CPLANE1: variants seen among roughly 807,000 people sequenced by gnomAD.
The protein encoded by CPLANE1 is ciliogenesis and planar polarity effector complex subunit 1, also known as ciliogenesis and planar polarity effector 1.
CPLANE1 carries 263 observed loss-of-function variants against 362.5 expected under a neutral mutation model. That is an observed-to-expected ratio of 0.73 (90% CI 0.66 to 0.80). The LOEUF (loss-of-function observed/expected upper bound fraction) is 0.80. CPLANE1 is among the 30% of genes least tolerant of loss of function. The probability of loss-of-function intolerance (pLI) is 0.00; values close to 1 mark genes in which losing one functional copy is unlikely to be tolerated. For missense variants in CPLANE1, 3,461 were observed against 3,793.4 expected (o/e 0.91, Z 2.30); for synonymous variants, 1,212 against 1,302.6 (o/e 0.93, Z 1.50).
chr5:37,147,521 T>C (rs77271463), intron 43 of CPLANE1, among the ~76,000 whole-genome samples: 2,237 of 152,002 alleles, frequency 0.015, 70 homozygotes, highest in African/African-American at 0.051. Context: ...CAATTACACA[T>C]ATTAGAAAAT....
chr5:37,168,364 C>A (rs941131316), intron 34 of CPLANE1, among the ~76,000 whole-genome samples: 5 of 152,058 alleles, frequency 3.3e-5, no homozygotes, highest in Non-Finnish European at 7.4e-5. Flanking sequence ...AATTTTTTTG[C>A]TTTCTTTTTT....
intron 48 of CPLANE1, among the ~76,000 whole-genome samples, 153 bp from the exon 49 acceptor site, chr5:37,121,937 T>C (rs982801013): frequency 2.0e-5 from 3 of 151,716 alleles, no homozygotes; most frequent in South Asian, 2.1e-4. Flanking sequence ...TGGATTGCAA[T>C]GGCGTGATCT....
At position 37,183,076 on chromosome 5, in the gene CPLANE1, G is replaced by A. The variant is rs1783108453; in HGVS notation, c.5105C>T (p.Ser1702Leu). The change falls in exon 26 of 53, where the codon TCA (serine) becomes TTA (leucine). Residue 1702 changes from serine to leucine, a missense_variant. Ser to Leu is a moderately radical substitution (Grantham distance 145). Around this residue, in one of 2 missense-constraint regions of CPLANE1, gnomAD observed 3,380 missense variants for 3,666.1 expected, o/e 0.92. Coordinates refer to ENST00000651892, the MANE Select transcript of CPLANE1 (RefSeq NM_001384732.1). ...CTTGGGAGTCCAAAAAATGTGGTTT[G>A]ATGATCTCTGGATTAGACATTTCTC... ...TREKCLIQRSSNHIFWTPKSI... is the reference protein window; with the variant it reads ...TREKCLIQRSLNHIFWTPKSI... 2 of 1,613,328 alleles carry A rather than the reference G, an allele frequency of 1.2e-6. No individual in the cohort carries two copies. The highest frequency in any genetic ancestry group is 3.3e-4 in the Middle Eastern group (2 of 6,056).
At chr5:37,205,625 C>T (rs908921244) in intron 17 of CPLANE1, among the ~76,000 whole-genome samples, 171 bp from the exon 18 acceptor site, 3 of 152,198 alleles carry the variant, frequency 2.0e-5, no homozygotes, top group South Asian at 2.1e-4. Flanking sequence ...AGACCCTCCA[C>T]GATTATGATC....
At chr5:37,201,251 TA>T (rs1391742907) in intron 19 of CPLANE1, among the ~76,000 whole-genome samples, 1 of 152,054 alleles carries the variant, frequency 6.6e-6, no homozygotes, top group Non-Finnish European at 1.5e-5. Context: ...GTCTGGATAT[TA>T]AGATTAATTG....
At chr5:37,141,410 A>G (rs1257326997) in intron 44 of CPLANE1, 1 of 985,280 alleles carries the variant, frequency 1.0e-6, no homozygotes, top group Non-Finnish European at 1.2e-6. Flanking sequence ...CAGATGCTTT[A>G]TATATGATAC....
At chr5:37,099,388 G>A in the CPLANE1 span, among the ~76,000 whole-genome samples, 2 of 152,184 alleles carry the variant, frequency 1.3e-5, no homozygotes, top group Non-Finnish European at 2.9e-5. Flanking sequence ...GTGAGAACAT[G>A]CAGTGTTTGG....
rs1307307831 is a variant in CPLANE1, at chr5:37,162,475, A to G, written c.7680T>C (p.Asn2560=). The G allele has an allele frequency of 1.2e-6, 2 of 1,604,408 alleles. No homozygotes were observed. Among genetic ancestry groups the G allele is most frequent in the Non-Finnish European group, 1.7e-6 (2 of 1,171,830 alleles). Residue 2560 remains asparagine (N), a synonymous_variant, in exon 38 of 53, where the codon AAT becomes AAC. Coordinates refer to ENST00000651892, the MANE Select transcript of CPLANE1 (RefSeq NM_001384732.1). ...TAAAACAGCATTTACCTGGGTCTGT[A>G]TTTGTACTTGCATCTTGACTTCCTA... ...KAIGSQDAST[N]TDPEHEPLTA...
At position 37,237,178 on chromosome 5, in the gene CPLANE1, G is replaced by A. The variant is rs1299729105; in HGVS notation, c.938+1679C>T. 2.6e-5 allele frequency among the ~76,000 whole-genome samples: 4 copies of A among 152,270 alleles called. No individual in the cohort carries two copies. In the East Asian group the frequency reaches 7.7e-4, roughly 29 times the overall value. On this transcript the variant is annotated intron_variant, in intron 8 of 52. Transcript: ENST00000651892. ...ATCACTATTCACAATAGCAAAGATA[G>A]AGAATCAACAGAACCATCTATCAAC...
chr5:37,186,402 A>G lies in CPLANE1; in HGVS notation c.4081-8T>C. 7.5e-7 allele frequency: 1 copy of G among 1,339,260 alleles called. No homozygotes were observed. Among genetic ancestry groups the G allele is most frequent in the Non-Finnish European group, 1.1e-6 (1 of 936,828 alleles). 83.0% of individuals were successfully genotyped at this position (1,339,260 alleles called of 1,614,324 possible). A position where few individuals can be genotyped will look rare whatever the true frequency, so the allele number is the denominator to read the frequency against. On this transcript the variant is annotated splice_polypyrimidine_tract_variant and splice_region_variant and intron_variant, in intron 23 of 52. Coordinates refer to ENST00000651892, the MANE Select transcript of CPLANE1 (RefSeq NM_001384732.1). ...CACGAAAATTTCTGCTACCTTCAGA[A>G]AAAAAATTGTTTAAGTTTTATGAGA... is the stretch of plus-strand genomic sequence containing the variant.
chr5:37,123,995 T>C (rs756799802), intron 47 of CPLANE1, among the ~76,000 whole-genome samples: 4 of 149,852 alleles, frequency 2.7e-5, no homozygotes, highest in Admixed American at 6.6e-5. Context: ...GCACACACTT[T>C]AAGATTCTGG....
chr5:37,087,583 C>T, the CPLANE1 span, among the ~76,000 whole-genome samples: 5 of 152,114 alleles, frequency 3.3e-5, no homozygotes, highest in Non-Finnish European at 5.9e-5. Context: ...CAGCCTCCCG[C>T]GTAGCTGGGA....
intron 46 of CPLANE1, among the ~76,000 whole-genome samples, chr5:37,128,624 C>T (rs1016712786): frequency 3.3e-5 from 5 of 152,002 alleles, no homozygotes; most frequent in South Asian, 2.1e-4. Flanking sequence ...TGGGAGGGGC[C>T]GAGATGGGTG....
At position 37,107,654 on chromosome 5, in the gene CPLANE1, A is replaced by T. The variant is rs760144874; in HGVS notation, c.9704T>A (p.Val3235Glu). 1 of 1,611,430 alleles carries T rather than the reference A, an allele frequency of 6.2e-7. No individual in the cohort carries two copies. Among genetic ancestry groups the T allele is most frequent in the Non-Finnish European group, 8.5e-7 (1 of 1,179,252 alleles). The change falls in exon 53 of 53, where the codon GTG becomes GAG. Residue 3235 changes from valine (V) to glutamate (E), a missense_variant. By Grantham distance (121) the Val-to-Glu change is moderately radical (BLOSUM62 -2). Around this residue, in one of 2 missense-constraint regions of CPLANE1, gnomAD observed 81 missense variants for 127.3 expected, o/e 0.64. Transcript: ENST00000651892. ...KLDWNAIEDM[V>E]ASVEDQGLSV... ...CAGGCCCTGGTCCTCCACGCTGGCC[A>T]CCATGTCTTCGATGGCATTCCAGTC...
chr5:37,224,168 G>T, intron 14 of CPLANE1, 85 bp downstream of exon 14: 1 of 835,658 alleles, frequency 1.2e-6, no homozygotes. Context: ...ATATTTTTTG[G>T]AATTTAGAAT....
rs758807080 is a variant in CPLANE1, at chr5:37,158,224, C to A, written c.7812G>T (p.Leu2604Phe). The A allele has an allele frequency of 6.2e-7, 1 of 1,612,762 alleles. No homozygotes were observed. The highest frequency in any genetic ancestry group is 8.5e-7 in the Non-Finnish European group (1 of 1,179,300). ...TAAAACTTCTGAATAAAACACAAAC[C>A]AAGTTTGTTACTGTATGAGGTATTG... ...SPSIPHTVTN[L>F]VGHTYINVID... Residue 2604 changes from leucine to phenylalanine, a missense_variant and splice_region_variant, in exon 39 of 53, where the codon TTG (leucine) becomes TTT (phenylalanine). Around this residue, in one of 2 missense-constraint regions of CPLANE1, gnomAD observed 3,380 missense variants for 3,666.1 expected, o/e 0.92. Transcript: ENST00000651892.
the CPLANE1 span, among the ~76,000 whole-genome samples, chr5:37,096,296 A>G: frequency 1.2e-3 from 183 of 152,314 alleles, no homozygotes; most frequent in African/African-American, 4.3e-3. Flanking sequence ...ACGAAAACAT[A>G]AAGGGGGAAA....
chr5:37,132,760 T>G (rs1356718883), intron 46 of CPLANE1, among the ~76,000 whole-genome samples: 1 of 152,220 alleles, frequency 6.6e-6, no homozygotes, highest in Non-Finnish European at 1.5e-5. Context: ...ATTATTTTGC[T>G]GTGCAGAAGC....
In CPLANE1 at chr5:37,158,269, T is replaced by A. The variant is rs767346517; in HGVS notation, c.7767A>T (p.Ser2589=). 6.2e-7 allele frequency: 1 copy of A among 1,613,954 alleles called. No homozygotes were observed. Among genetic ancestry groups the A allele is most frequent in the South Asian group, 1.1e-5 (1 of 91,066 alleles). Reference sequence around the variant, plus strand: ...GTATTGAGGGTGACCAAGGTTTCTCTGACATTTCACTGGAAAGCTTCAGAT... The same window carrying A: ...GTATTGAGGGTGACCAAGGTTTCTCAGACATTTCACTGGAAAGCTTCAGAT... ...YLNLKLSSEM[S]EKPWSPSIPH... is the part of the protein sequence containing the mutation. Residue 2589 remains serine, a synonymous_variant, in exon 39 of 53, where the codon TCA becomes TCT. Coordinates refer to ENST00000651892, the MANE Select transcript of CPLANE1 (RefSeq NM_001384732.1).
Sources: allele counts gnomAD v4.1 joint callset (sites outside exome capture counted in the v4.1 genomes callset), GRCh38; gene constraint gnomAD v4.1.1; regional missense constraint gnomAD v4.1.1; transcripts MANE v1.5; gene names NCBI Gene and HGNC (gene_info 2026-07-23, HGNC 2026-07-21).